Variants in DOCK7 observed in about 807,000 individuals in gnomAD.
DOCK7 encodes the protein dedicator of cytokinesis 7.
In DOCK7, 138 loss-of-function variants were observed where a neutral mutation model predicts 271.0. The observed-to-expected ratio is 0.51, with a 90% CI of 0.44 to 0.59. DOCK7 has a LOEUF of 0.59. Ranked by LOEUF, DOCK7 falls within the 20% of genes least tolerant of loss-of-function variation. The pLI is 0.00. For missense variants in DOCK7, 2,066 were observed against 2,592.4 expected (o/e 0.80, Z 4.41); for synonymous variants, 823 against 876.1 (o/e 0.94, Z 1.07).
intron 2 of DOCK7, 104 bp from the exon 3 acceptor site, chr1:62,654,263 C>A (rs1000683056): frequency 9.0e-7 from 1 of 1,109,458 alleles, no homozygotes; most frequent in Non-Finnish European, 1.3e-6. Context: ...AGCTTTTAAT[C>A]TAGTTCTTTC....
At chr1:62,641,474 A>G in intron 7 of DOCK7, 1 of 432,400 alleles carries the variant, frequency 2.3e-6, no homozygotes, top group Admixed American at 2.4e-5. Context: ...CATGCTTCAC[A>G]TGGTCCACCA....
chr1:62,593,661 G>C (rs1648793209), intron 14 of DOCK7, among the ~76,000 whole-genome samples: 1 of 152,076 alleles, frequency 6.6e-6, no homozygotes, highest in African/African-American at 2.4e-5. Flanking sequence ...CATGTTAATA[G>C]TGAACACACA....
intron 31 of DOCK7, among the ~76,000 whole-genome samples, chr1:62,516,089 G>T (rs918763808): frequency 6.6e-6 from 1 of 151,842 alleles, no homozygotes; most frequent in Non-Finnish European, 1.5e-5. Context: ...GACAAAGAAA[G>T]AACTTTAAAT....
chr1:62,488,985 T>C lies in DOCK7; in HGVS notation c.5442A>G (p.Leu1814=). The C allele has an allele frequency of 6.2e-7, 1 of 1,613,730 alleles. No individual in the cohort carries two copies. The highest frequency in any genetic ancestry group is 8.5e-7 in the Non-Finnish European group (1 of 1,179,834). ...IHEANRDAKK[L]STIHGKLQEA... is the part of the protein sequence containing the mutation. The stretch of plus-strand genomic sequence containing the variant: ...CTTGAAGTTTACCATGAATTGTGGA[T>C]AGTTTCTTTGCATCCCGATTAGCTT... Residue 1814 remains leucine, a synonymous_variant, in exon 42 of 50, where the codon CTA becomes CTG. Transcript: ENST00000635253.
chr1:62,477,828 T>C lies in DOCK7; in HGVS notation c.5509-3A>G. ...CGAAAATAGGTGCCAAACATCCGCT[T>C]ACCATCCTAGGTTTAGGAAAATGGA... On this transcript the variant is annotated splice_region_variant and splice_polypyrimidine_tract_variant and intron_variant, in intron 43 of 49. Coordinates refer to ENST00000635253, the MANE Select transcript of DOCK7 (RefSeq NM_001367561.1). 1.9e-6 allele frequency: 3 copies of C among 1,605,646 alleles called. No homozygotes were observed. The highest frequency in any genetic ancestry group is 2.5e-6 in the Non-Finnish European group (3 of 1,177,178).
intron 14 of DOCK7, among the ~76,000 whole-genome samples, chr1:62,614,052 C>G (rs557273830): frequency 2.6e-5 from 4 of 152,006 alleles, no homozygotes; most frequent in African/African-American, 9.6e-5. Context: ...AAAATGTGTA[C>G]ACAAATATTT....
intron 11 of DOCK7, 117 bp downstream of exon 11, chr1:62,631,123 T>G: frequency 1.2e-6 from 1 of 823,468 alleles, no homozygotes; most frequent in South Asian, 2.4e-5. Context: ...TGGCAAAGGT[T>G]GCAGTGAGCC....
chr1:62,617,794 T>C (rs1247887340), intron 14 of DOCK7, among the ~76,000 whole-genome samples: 3 of 152,014 alleles, frequency 2.0e-5, no homozygotes. Flanking sequence ...TATTTCTGTT[T>C]CACAGTGCTG....
chr1:62,595,954 G>A (rs181940464), intron 14 of DOCK7, among the ~76,000 whole-genome samples: 1 of 151,754 alleles, frequency 6.6e-6, no homozygotes, highest in Non-Finnish European at 1.5e-5. Flanking sequence ...ATTTGGAAAT[G>A]GTTTATTTTG....
chr1:62,473,399 T>C (rs920891495), intron 48 of DOCK7, among the ~76,000 whole-genome samples: 3 of 152,172 alleles, frequency 2.0e-5, no homozygotes, highest in Admixed American at 6.5e-5. Context: ...AATTAAATGA[T>C]CTAATAGTAG....
chr1:62,501,244 A>G (rs1243867198), intron 37 of DOCK7, among the ~76,000 whole-genome samples: 1 of 152,174 alleles, frequency 6.6e-6, no homozygotes, highest in Non-Finnish European at 1.5e-5. Context: ...TGAGGACAAT[A>G]TTTAGCTAAA....
chr1:62,482,175 A>C (rs1646146357), intron 43 of DOCK7: 1 of 152,186 alleles, frequency 6.6e-6, no homozygotes, highest in South Asian at 2.1e-4. Flanking sequence ...ACACTGGTTA[A>C]CCACTTTACA....
intron 14 of DOCK7, among the ~76,000 whole-genome samples, chr1:62,599,990 A>T (rs1465538640): frequency 2.6e-5 from 4 of 152,002 alleles, no homozygotes; most frequent in Non-Finnish European, 5.9e-5. Context: ...CATTTTCAAG[A>T]GATATAAAAC....
intron 1 of DOCK7, among the ~76,000 whole-genome samples, chr1:62,670,840 G>A (rs1390536993): frequency 1.3e-5 from 2 of 152,098 alleles, no homozygotes; most frequent in African/African-American, 2.4e-5. Flanking sequence ...AGCCAGCATT[G>A]GCAACCTGCT....
At chr1:62,519,851 C>T (rs907948984) in intron 31 of DOCK7, among the ~76,000 whole-genome samples, 5 of 152,112 alleles carry the variant, frequency 3.3e-5, no homozygotes, top group African/African-American at 1.2e-4. Context: ...TGACTTCAAA[C>T]TATACTACAA....
At chr1:62,583,328 T>C in intron 15 of DOCK7, 74 bp from the exon 16 acceptor site, 2 of 1,357,712 alleles carry the variant, frequency 1.5e-6, no homozygotes, top group Non-Finnish European at 2.1e-6. Flanking sequence ...TAAGAATTTG[T>C]CTGATTTAAT....
intron 48 of DOCK7, among the ~76,000 whole-genome samples, chr1:62,472,705 T>C (rs1645864812): frequency 6.6e-6 from 1 of 152,224 alleles, no homozygotes; most frequent in South Asian, 2.1e-4. Flanking sequence ...ATAAAATTAA[T>C]GCCAGAAATC....
At chr1:62,539,193 T>TTTTAAAAATC (rs1403239242) in intron 27 of DOCK7, among the ~76,000 whole-genome samples, 4 of 152,286 alleles carry the variant, frequency 2.6e-5, no homozygotes, top group African/African-American at 7.2e-5. Context: ...TCACTCAAGA[T>TTTTAAAAATC]ACAGAAGTCC....
chr1:62,510,092 T>C (rs935447200), intron 34 of DOCK7, among the ~76,000 whole-genome samples: 8 of 152,222 alleles, frequency 5.3e-5, no homozygotes, highest in African/African-American at 1.9e-4. Context: ...TGCAGCCACT[T>C]GGGCAGTAAG....
Sources: gnomAD v4.1 joint callset for allele counts (sites outside exome capture counted in the v4.1 genomes callset) on GRCh38, gnomAD v4.1.1 for gene constraint, MANE v1.5 for transcripts, NCBI Gene and HGNC (gene_info 2026-07-23, HGNC 2026-07-21) for gene names.